The following RINT1 variants were observed in gnomAD, a reference collection of about 807,000 sequenced individuals.
RINT1 encodes RAD50-interacting protein 1.
In RINT1, 75 loss-of-function variants were observed where a neutral mutation model predicts 97.7. The observed-to-expected ratio is 0.77, with a 90% confidence interval of 0.64 to 0.93. The LOEUF is 0.93. RINT1 is among the 40% of genes least tolerant of loss of function. RINT1 has a pLI of 0.00. For missense variants in RINT1, 892 were observed against 925.2 expected (o/e 0.96, Z 0.47); for synonymous variants, 303 against 326.3 (o/e 0.93, Z 0.77).
Position 105,550,329 on chromosome 7 carries a change from A to G in RINT1, c.1176A>G (p.Leu392=), listed in dbSNP as rs779306364. 3.1e-6 allele frequency: 5 copies of G among 1,614,100 alleles called. No homozygotes were observed. Among genetic ancestry groups the G allele is most frequent in the Non-Finnish European group, 4.2e-6 (5 of 1,179,980 alleles). Residue 392 remains leucine (L), a synonymous_variant, in exon 9 of 15, where the codon CTA becomes CTG. Coordinates refer to ENST00000257700, the MANE Select transcript of RINT1 (RefSeq NM_021930.6). ...EKLATDIPCL[L]YDDNLFCHLV... is the part of the protein sequence containing the mutation. ...TAGCCACTGATATTCCTTGTCTGCT[A>G]TATGATGACAATCTCTTCTGTCATT... is the stretch of plus-strand genomic sequence containing the variant.
chr7:105,547,294 T>C lies in RINT1; in HGVS notation c.800T>C (p.Leu267Pro). ...PASAPEIYSYLETLFCQLLKL... is the reference protein window; with the variant it reads ...PASAPEIYSYPETLFCQLLKL... ...AGTGCCCCGGAGATATACAGTTACC[T>C]GGAGACACTGTTTTGTCAGCTTTTG... The change falls in exon 6 of 15, where the codon CTG (leucine) becomes CCG (proline). Residue 267 changes from leucine to proline, a missense_variant. By Grantham distance (98) the Leu-to-Pro change is moderately conservative. Coordinates refer to ENST00000257700, the MANE Select transcript of RINT1 (RefSeq NM_021930.6). 6.2e-7 allele frequency: 1 copy of C among 1,614,204 alleles called. No individual in the cohort carries two copies. Among genetic ancestry groups the C allele is most frequent in the Non-Finnish European group, 8.5e-7 (1 of 1,180,008 alleles).
intron 11 of RINT1, 25 bp downstream of exon 11, chr7:105,555,252 A>C: frequency 1.9e-6 from 3 of 1,564,946 alleles, no homozygotes; most frequent in Non-Finnish European, 2.6e-6. Context: ...TTTTATATTA[A>C]GTAATATATA....
intron 2 of RINT1, chr7:105,535,536 T>C (rs757741873): frequency 4.4e-6 from 2 of 451,350 alleles, no homozygotes; most frequent in East Asian, 1.4e-4. Flanking sequence ...CCAAACCTTT[T>C]TTACTTTTTT....
intron 4 of RINT1, among the ~76,000 whole-genome samples, chr7:105,543,185 C>T (rs866031636): frequency 5.9e-5 from 9 of 152,046 alleles, no homozygotes; most frequent in Admixed American, 2.0e-4. Flanking sequence ...CTACCGCGTC[C>T]GGCCAAACTT....
intron 10 of RINT1, among the ~76,000 whole-genome samples, chr7:105,554,818 G>A (rs1388174468): frequency 6.6e-6 from 1 of 152,166 alleles, no homozygotes; most frequent in African/African-American, 2.4e-5. Flanking sequence ...AGTGTAATGT[G>A]CAGATCTTAT....
chr7:105,559,843 A>G (rs998165738), intron 11 of RINT1, among the ~76,000 whole-genome samples: 1 of 152,240 alleles, frequency 6.6e-6, no homozygotes, highest in African/African-American at 2.4e-5. Context: ...AAGCTCTTGT[A>G]TTGCATAATT....
At position 105,565,368 on chromosome 7, in the gene RINT1, C is replaced by A. The variant is rs35531972; in HGVS notation, c.1978C>A (p.Leu660Ile). The change falls in exon 13 of 15, where the codon CTT becomes ATT. Residue 660 changes from leucine (L) to isoleucine (I), a missense_variant. Leu to Ile is a conservative substitution (Grantham distance 5). Transcript: ENST00000257700. ...PLLLTLRDHLLQLEQQLCFSL... is the reference protein window; with the variant it reads ...PLLLTLRDHLIQLEQQLCFSL... ...GCTGCTGACGTTACGAGACCATTTACTTCAGTTGGAGCAGCAGCTTTGTTT... is the reference window on the plus strand; with the variant it reads ...GCTGCTGACGTTACGAGACCATTTAATTCAGTTGGAGCAGCAGCTTTGTTT... 21,492 of 1,614,154 alleles carry A rather than the reference C, an allele frequency of 0.013. 186 individuals are homozygous for A. Among genetic ancestry groups the A allele is most frequent in the Middle Eastern group, 0.026 (160 of 6,060 alleles).
chr7:105,563,399 C>A (rs184012619), intron 11 of RINT1, among the ~76,000 whole-genome samples: 1 of 152,266 alleles, frequency 6.6e-6, no homozygotes, highest in South Asian at 2.1e-4. Context: ...CTCACTTTGT[C>A]GCCCAGGCTG....
chr7:105,536,152 G>A (rs1790221173), intron 2 of RINT1, among the ~76,000 whole-genome samples: 1 of 151,874 alleles, frequency 6.6e-6, no homozygotes, highest in African/African-American at 2.4e-5. Context: ...GAGTGCAGTG[G>A]CGCTTTGTTT....
chr7:105,562,365 C>G (rs975548416), intron 11 of RINT1, among the ~76,000 whole-genome samples: 18 of 152,204 alleles, frequency 1.2e-4, no homozygotes, highest in Non-Finnish European at 2.5e-4. Flanking sequence ...GTCTTCCCAT[C>G]TCAGCCTCCT....
intron 10 of RINT1, among the ~76,000 whole-genome samples, chr7:105,552,666 C>CTGT (rs1790980707): frequency 1.3e-5 from 1 of 79,996 alleles, no homozygotes; most frequent in Non-Finnish European, 2.3e-5. Context: ...TAAATAATTC[C>CTGT]TTTTTTTTTT....
chr7:105,564,771 C>T (rs1219962924), intron 12 of RINT1, among the ~76,000 whole-genome samples: 4 of 152,082 alleles, frequency 2.6e-5, no homozygotes, highest in East Asian at 1.9e-4. Flanking sequence ...GAGGCCAAGG[C>T]GGGCAGATTA....
intron 4 of RINT1, among the ~76,000 whole-genome samples, chr7:105,543,133 G>T (rs558025965): frequency 6.6e-6 from 1 of 151,898 alleles, no homozygotes; most frequent in East Asian, 1.9e-4. Context: ...CTCACTGTCC[G>T]CCAGCCTCGG....
At position 105,533,000 on chromosome 7, in the gene RINT1, T is replaced by G. The variant is rs1481273928; in HGVS notation, c.88+131T>G. Reference sequence around the variant, plus strand: ...TTTTCTGCACAATATGCTTATATGGTAATACTGATGACCATGATACACATA... The same window carrying G: ...TTTTCTGCACAATATGCTTATATGGGAATACTGATGACCATGATACACATA... On this transcript the variant is annotated intron_variant, in intron 2 of 14. Transcript: ENST00000257700. 16 of 797,344 alleles carry G rather than the reference T, an allele frequency of 2.0e-5. No homozygotes were observed. In the East Asian group the frequency reaches 4.0e-4, roughly 20 times the overall value. The allele number at this position is 797,344 out of a possible 1,614,324, so 49.4% of individuals were successfully genotyped here.
chr7:105,556,524 T>A (rs575022349), intron 11 of RINT1, among the ~76,000 whole-genome samples: 43 of 151,144 alleles, frequency 2.8e-4, no homozygotes, highest in African/African-American at 8.0e-4. Flanking sequence ...AGAACTCTTT[T>A]AAAAAAAAAC....
In RINT1 at chr7:105,533,326, C is replaced by A. The variant is rs115504546; in HGVS notation, c.88+457C>A. Reference sequence around the variant, plus strand: ...ATTTAAAATTGCTCTGGCAAGAGCACAACGGATAACTTGGGTTCTGGATCT... The same window carrying A: ...ATTTAAAATTGCTCTGGCAAGAGCAAAACGGATAACTTGGGTTCTGGATCT... On this transcript the variant is annotated intron_variant, in intron 2 of 14. Transcript: ENST00000257700. Among the ~76,000 whole-genome samples the A allele has an allele frequency of 5.7e-3, 864 of 152,240 alleles. 8 individuals carry two copies. Among genetic ancestry groups the A allele is most frequent in the African/African-American group, 0.02 (830 of 41,534 alleles).
At chr7:105,536,132 G>A (rs993239050) in intron 2 of RINT1, among the ~76,000 whole-genome samples, 4 of 151,732 alleles carry the variant, frequency 2.6e-5, no homozygotes, top group Admixed American at 6.6e-5. Context: ...AGTCTCTGTC[G>A]CCCAGGCTGG....
rs530358420 is a variant in RINT1, at chr7:105,561,132, T to C, written c.1672-2601T>C. The stretch of plus-strand genomic sequence containing the variant: ...AAAAAAAAACCTTGGCAAGGTGATT[T>C]ATTTAGTCCTCTGTTAATTTTGGAA... On this transcript the variant is annotated intron_variant, in intron 11 of 14. Coordinates refer to ENST00000257700, the MANE Select transcript of RINT1 (RefSeq NM_021930.6). Among the ~76,000 whole-genome samples, 7 of 152,302 alleles carry C rather than the reference T, an allele frequency of 4.6e-5. No homozygotes were observed. The South Asian group carries it at 1.4e-3, about 32-fold the overall frequency.
At chr7:105,532,933 A>G in intron 2 of RINT1, 64 bp downstream of exon 2, 1 of 1,482,022 alleles carries the variant, frequency 6.7e-7, no homozygotes. Flanking sequence ...CAGGGTCTGC[A>G]ATATAGAAAG....
Sources: gnomAD v4.1 joint callset for allele counts (sites outside exome capture counted in the v4.1 genomes callset) on GRCh38, gnomAD v4.1.1 for gene constraint, MANE v1.5 for transcripts, NCBI Gene and HGNC (gene_info 2026-07-23, HGNC 2026-07-21) for gene names.